ESCO2: variants seen among roughly 807,000 people sequenced by gnomAD.
The protein encoded by ESCO2 is establishment of sister chromatid cohesion N-acetyltransferase 2.
A neutral mutation model predicts 61.7 loss-of-function variants in ESCO2; 51 were observed. The observed-to-expected ratio is 0.83, with a 90% CI of 0.66 to 1.04. The LOEUF is 1.04. Among genes scored for constraint, ESCO2 ranks in the 50% least tolerant of loss-of-function variants. The pLI is 0.00. For missense variants in ESCO2, 692 were observed against 686.2 expected, an observed-to-expected ratio of 1.01 and a Z score of -0.09; for synonymous variants, 230 against 238.2, an observed-to-expected ratio of 0.97 and a Z score of 0.32.
At position 27,799,694 on chromosome 8, in the gene ESCO2, A is replaced by C. The variant is rs758772510; in HGVS notation, c.1651A>C (p.Arg551=). The C allele has an allele frequency of 6.2e-7, 1 of 1,614,076 alleles. No homozygotes were observed. The highest frequency in any genetic ancestry group is 8.5e-7 in the Non-Finnish European group (1 of 1,180,028). The stretch of plus-strand genomic sequence containing the variant: ...ACTGAAGAGAAGAAAGCGCATTGCA[A>C]GACGACTGGTTGATACCCTCAGGTA... ...FRLKRRKRIA[R]RLVDTLRNCF... is the part of the protein sequence containing the mutation. The change falls in exon 10 of 11, where the codon AGA becomes CGA. Residue 551 remains arginine (R), a synonymous_variant. Coordinates refer to ENST00000305188, the MANE Select transcript of ESCO2 (RefSeq NM_001017420.3).
downstream of ESCO2, chr8:27,811,361 C>A (rs975881172): frequency 5.1e-6 from 3 of 592,754 alleles, no homozygotes; most frequent in African/African-American, 3.7e-5. Flanking sequence ...AACAGCAATT[C>A]TCTTACAAAT....
chr8:27,797,234 TC>T (rs1165895133), intron 9 of ESCO2, among the ~76,000 whole-genome samples: 2 of 152,218 alleles, frequency 1.3e-5, no homozygotes, highest in Non-Finnish European at 2.9e-5. Context: ...CCTTTCAGAA[TC>T]CTAAATATTT....
chr8:27,812,933 C>CTT (rs936357614), downstream of ESCO2, among the ~76,000 whole-genome samples: 5 of 152,180 alleles, frequency 3.3e-5, no homozygotes, highest in African/African-American at 1.2e-4. Context: ...GGATCTAGAA[C>CTT]TAGAAATACC....
In ESCO2 at chr8:27,799,662, T is replaced by C; in HGVS notation, c.1619T>C (p.Val540Ala). 6.2e-7 allele frequency: 1 copy of C among 1,613,636 alleles called. No individual in the cohort carries two copies. The highest frequency in any genetic ancestry group is 2.2e-5 in the East Asian group (1 of 44,854). Residue 540 changes from valine (V) to alanine (A), a missense_variant, in exon 10 of 11, where the codon GTT (valine) becomes GCT (alanine). Val to Ala is a moderately conservative substitution (Grantham distance 64). Transcript: ENST00000305188. ...GTCTGTGGGATAAGTAGAATCTGGG[T>C]TTTCAGACTGAAGAGAAGAAAGCGC... ...PAVCGISRIWVFRLKRRKRIA... is the reference protein window; with the variant it reads ...PAVCGISRIWAFRLKRRKRIA...
intron 7 of ESCO2, among the ~76,000 whole-genome samples, chr8:27,789,781 C>CAAAAA (rs905844657): frequency 4.1e-4 from 23 of 56,558 alleles, no homozygotes; most frequent in African/African-American, 1.2e-3. Context: ...AACTCCATCT[C>CAAAAA]AAAAAAAAAA....
chr8:27,797,322 T>C (rs1262204612), intron 9 of ESCO2, among the ~76,000 whole-genome samples: 2 of 152,226 alleles, frequency 1.3e-5, no homozygotes, highest in Non-Finnish European at 2.9e-5. Context: ...CCTTTTATTA[T>C]ATAATTACCT....
chr8:27,803,885 T>C lies in ESCO2; in HGVS notation c.*447T>C. On this transcript the variant is annotated 3_prime_UTR_variant, in exon 11 of 11. Transcript: ENST00000305188. The stretch of plus-strand genomic sequence containing the variant: ...TGGGCAAGTAATTTCTGTGCCCAAT[T>C]TGTAAAGGGAATTCCTGAATTTTTT... 2 of 990,318 alleles carry C rather than the reference T, an allele frequency of 2.0e-6. No individual in the cohort carries two copies. Among genetic ancestry groups the C allele is most frequent in the Non-Finnish European group, 2.4e-6 (2 of 834,298 alleles). 61.3% of individuals were successfully genotyped at this position (990,318 alleles called of 1,614,324 possible).
At chr8:27,793,748 T>C (rs1477511891) in intron 9 of ESCO2, among the ~76,000 whole-genome samples, 1 of 152,068 alleles carries the variant, frequency 6.6e-6, no homozygotes, top group East Asian at 1.9e-4. Context: ...GCCTCCCAAA[T>C]TGCTGGGATT....
intron 4 of ESCO2, among the ~76,000 whole-genome samples, chr8:27,781,180 A>AAG (rs1804920103): frequency 1.3e-5 from 2 of 152,222 alleles, no homozygotes; most frequent in Non-Finnish European, 2.9e-5. Context: ...ACAGTTTATC[A>AAG]TTTAATTCTC....
chr8:27,777,149 A>C lies in ESCO2; in HGVS notation c.841A>C (p.Asn281His), dbSNP rs1174359486. 1 of 1,599,830 alleles carries C rather than the reference A, an allele frequency of 6.3e-7. No homozygotes were observed. Among genetic ancestry groups the C allele is most frequent in the Non-Finnish European group, 8.5e-7 (1 of 1,176,756 alleles). ...KIGLLSASSK[N>H]KEKLIKDSSD... ...TGGACTACTGAGTGCAAGCAGTAAAAATAAAGAGAAATTAATAAAGGTAAA... is the reference window on the plus strand; with the variant it reads ...TGGACTACTGAGTGCAAGCAGTAAACATAAAGAGAAATTAATAAAGGTAAA... The change falls in exon 3 of 11, where the codon AAT becomes CAT. Residue 281 changes from asparagine (N) to histidine (H), a missense_variant. Coordinates refer to ENST00000305188, the MANE Select transcript of ESCO2 (RefSeq NM_001017420.3).
At chr8:27,799,821 A>G (rs1232067587) in intron 10 of ESCO2, 105 bp downstream of exon 10, 2 of 1,307,192 alleles carry the variant, frequency 1.5e-6, no homozygotes, top group African/African-American at 1.7e-5. Context: ...ATACTTCAGT[A>G]TAAATACTAT....
chr8:27,780,439 G>A (rs1032907042), intron 4 of ESCO2, among the ~76,000 whole-genome samples, 172 bp downstream of exon 4: 1 of 152,030 alleles, frequency 6.6e-6, no homozygotes, highest in Non-Finnish European at 1.5e-5. Flanking sequence ...AGTGCATTGC[G>A]TTTTGAAAAA....
chr8:27,805,903 A>T (rs1347868730), downstream of ESCO2, among the ~76,000 whole-genome samples: 1 of 151,958 alleles, frequency 6.6e-6, no homozygotes, highest in Non-Finnish European at 1.5e-5. Context: ...AAAGTGCTGG[A>T]TTATAGGTGT....
rs1805525415 is a variant in ESCO2, at chr8:27,804,785, A to G, written c.*1347A>G. On this transcript the variant is annotated 3_prime_UTR_variant, in exon 11 of 11. Coordinates refer to ENST00000305188, the MANE Select transcript of ESCO2 (RefSeq NM_001017420.3). ...TTAAAATGTATGTAATTATGCAAAC[A>G]TTTTAATGCTATTTTCTGCACTTAT... 1.0e-6 allele frequency: 1 copy of G among 980,440 alleles called. No homozygotes were observed. The highest frequency in any genetic ancestry group is 1.7e-5 in the African/African-American group (1 of 57,148). 60.7% of individuals were successfully genotyped at this position (980,440 alleles called of 1,614,324 possible). A position where few individuals can be genotyped will look rare whatever the true frequency, so the allele number is the denominator to read the frequency against.
chr8:27,813,922 G>GTA (rs1805757217), downstream of ESCO2, among the ~76,000 whole-genome samples: 1 of 151,814 alleles, frequency 6.6e-6, no homozygotes, highest in Non-Finnish European at 1.5e-5. Context: ...TTTCTTATCA[G>GTA]TTTATTTTTC....
chr8:27,804,068 C>G lies in ESCO2; in HGVS notation c.*630C>G. 1 of 985,418 alleles carries G rather than the reference C, an allele frequency of 1.0e-6. No individual in the cohort carries two copies. Among genetic ancestry groups the G allele is most frequent in the South Asian group, 4.7e-5 (1 of 21,290 alleles). 61.0% of individuals were successfully genotyped at this position (985,418 alleles called of 1,614,324 possible). The stretch of plus-strand genomic sequence containing the variant: ...CTATACAGAGTCTTCACTTGATAGG[C>G]ACTCGTCTGTAGTAACTCAGTTTGA... On this transcript the variant is annotated 3_prime_UTR_variant, in exon 11 of 11. Coordinates refer to ENST00000305188, the MANE Select transcript of ESCO2 (RefSeq NM_001017420.3).
intron 4 of ESCO2, among the ~76,000 whole-genome samples, chr8:27,781,010 C>T (rs551533251): frequency 1.8e-4 from 28 of 152,088 alleles, no homozygotes; most frequent in African/African-American, 6.0e-4. Context: ...AAGGCATCTA[C>T]TTAAAATAGT....
In ESCO2 at chr8:27,802,808, G is replaced by A. The variant is rs190547486; in HGVS notation, c.1674-498G>A. On this transcript the variant is annotated intron_variant, in intron 10 of 10. Coordinates refer to ENST00000305188, the MANE Select transcript of ESCO2 (RefSeq NM_001017420.3). The stretch of plus-strand genomic sequence containing the variant: ...GTTACCCAGGCTGGAGTGCAGTGGC[G>A]AGATATCGGCTCACTGCAACCTCCG... 1.8e-3 allele frequency among the ~76,000 whole-genome samples: 263 copies of A among 149,520 alleles called. 1 individual carries two copies. The highest frequency in any genetic ancestry group is 6.0e-3 in the African/African-American group (246 of 40,696).
downstream of ESCO2, among the ~76,000 whole-genome samples, chr8:27,814,502 ATTTG>A (rs1039053256): frequency 1.3e-5 from 2 of 151,864 alleles, no homozygotes; most frequent in Non-Finnish European, 1.5e-5. Flanking sequence ...ATTTTATAGT[ATTTG>A]TTTTTTATTT....
Sources: allele counts gnomAD v4.1 joint callset (sites outside exome capture counted in the v4.1 genomes callset), GRCh38; gene constraint gnomAD v4.1.1; transcripts MANE v1.5; gene names NCBI Gene and HGNC (gene_info 2026-07-23, HGNC 2026-07-21).